The following FBLN1 variants were observed in gnomAD, a reference collection of about 807,000 sequenced individuals.
FBLN1 encodes the protein fibulin-1.
A neutral mutation model predicts 89.7 loss-of-function variants in FBLN1; 34 were observed. That is an observed-to-expected ratio of 0.38 (90% confidence interval 0.29 to 0.50). The LOEUF (loss-of-function observed/expected upper bound fraction) is 0.50. Among genes scored for constraint, FBLN1 ranks in the 20% least tolerant of loss-of-function variants. FBLN1 has a pLI of 0.92. For missense variants in FBLN1, 777 were observed against 988.1 expected, an observed-to-expected ratio of 0.79 and a Z score of 2.86; for synonymous variants, 393 against 391.3, an observed-to-expected ratio of 1.00 and a Z score of -0.05.
intron 14 of FBLN1, among the ~76,000 whole-genome samples, chr22:45,573,512 A>G (rs2147025308): frequency 6.7e-6 from 1 of 149,444 alleles, no homozygotes; most frequent in South Asian, 2.1e-4. Context: ...TGTCTCTACT[A>G]AAAAAAAATA....
rs894742101 is a variant in FBLN1, at chr22:45,583,712, C to T, written c.1972+6604C>T. On this transcript the variant is annotated intron_variant, in intron 16 of 16. Transcript: ENST00000327858. This position sits in a 1 kb window ranked among gnomAD's most constrained non-coding sequence, Gnocchi z 4.5. ...TCAACACAGGAAGTAACAGAAGCAG[C>T]TAGTTACTCACAGGTCCTAGAGAGG... Among the ~76,000 whole-genome samples, 6 of 152,132 alleles carry T rather than the reference C, an allele frequency of 3.9e-5. No individual in the cohort carries two copies. The highest frequency in any genetic ancestry group is 9.7e-5 in the African/African-American group (4 of 41,418).
At chr22:45,518,348 G>A (rs1351753309) in intron 1 of FBLN1, among the ~76,000 whole-genome samples, 1 of 152,040 alleles carries the variant, frequency 6.6e-6, no homozygotes, top group Non-Finnish European at 1.5e-5. Context: ...CAGGGACCCT[G>A]TCTGGACAGG....
intron 14 of FBLN1, among the ~76,000 whole-genome samples, chr22:45,555,604 C>G (rs1401601681): frequency 3.9e-5 from 6 of 152,124 alleles, no homozygotes; most frequent in Admixed American, 1.3e-4. Context: ...TCCCAGCCCA[C>G]TGACTCAAAT....
chr22:45,529,989 C>G (rs1034799358), intron 4 of FBLN1, among the ~76,000 whole-genome samples: 7 of 152,150 alleles, frequency 4.6e-5, no homozygotes, highest in African/African-American at 1.7e-4. Flanking sequence ...GACACGGAAC[C>G]TTTCACTTCT....
At chr22:45,522,753 G>A (rs896854915) in intron 2 of FBLN1, among the ~76,000 whole-genome samples, 2 of 152,216 alleles carry the variant, frequency 1.3e-5, no homozygotes, top group African/African-American at 2.4e-5. Context: ...AAACCCACAT[G>A]TCCTTCAGCG....
intron 16 of FBLN1, among the ~76,000 whole-genome samples, chr22:45,585,623 C>A (rs2089078454): frequency 6.6e-6 from 1 of 152,210 alleles, no homozygotes; most frequent in African/African-American, 2.4e-5. Flanking sequence ...CACACCCTGG[C>A]TGGCAGCCAA....
At position 45,546,796 on chromosome 22, in the gene FBLN1, G is replaced by A. The variant is rs115878228; in HGVS notation, c.1322-289G>A. Among the ~76,000 whole-genome samples the A allele has an allele frequency of 5.5e-3, 845 of 152,336 alleles. 2 individuals are homozygous for A. The highest frequency in any genetic ancestry group is 0.019 in the African/African-American group (793 of 41,574). ...AGATTTCCATTTGAGAACTAGAATG[G>A]ACTCTGGCAGCCAGGTCGGGGCAGA... On this transcript the variant is annotated intron_variant, in intron 11 of 16. Coordinates refer to ENST00000327858, the MANE Select transcript of FBLN1 (RefSeq NM_006486.3).
intron 14 of FBLN1, chr22:45,565,774 C>T (rs2088896706): frequency 6.3e-6 from 1 of 157,766 alleles, no homozygotes; most frequent in Non-Finnish European, 1.4e-5. Context: ...CAAATATCGT[C>T]TCCTCAGCCA....
Position 45,545,219 on chromosome 22 carries a change from C to T in FBLN1, c.1321+1693C>T, listed in dbSNP as rs2088611339. ...AACAAGATTCACGAGTTGAGTCTCT[C>T]AGGCTTGTGTTCAAACCTGACTTCT... On this transcript the variant is annotated intron_variant, in intron 11 of 16. Transcript: ENST00000327858. The surrounding 1 kb of genome is among the most constrained non-coding windows in gnomAD (Gnocchi z 5.9). 6.6e-6 allele frequency among the ~76,000 whole-genome samples: 1 copy of T among 152,198 alleles called. No homozygotes were observed. Among genetic ancestry groups the T allele is most frequent in the African/African-American group, 2.4e-5 (1 of 41,436 alleles).
Position 45,550,642 on chromosome 22 carries a change from CGTCT to C in FBLN1, c.1697+34_1697+37del, listed in dbSNP as rs1288757569. On this transcript the variant is annotated intron_variant, in intron 14 of 16. Coordinates refer to ENST00000327858, the MANE Select transcript of FBLN1 (RefSeq NM_006486.3). The surrounding 1 kb of genome is among the most constrained non-coding windows in gnomAD (Gnocchi z 8.4). ...TAAGTCCCTTGGACCATGCCATCGT[CGTCT>C]GTCTGTGTTGGCCTTCCTGGTGACC... is the stretch of plus-strand genomic sequence containing the variant. 4 of 1,613,932 alleles carry C rather than the reference CGTCT, an allele frequency of 2.5e-6. No individual in the cohort carries two copies. Among genetic ancestry groups the C allele is most frequent in the South Asian group, 1.1e-5 (1 of 91,076 alleles).
intron 1 of FBLN1, among the ~76,000 whole-genome samples, chr22:45,506,759 CTG>C (rs1184032441): frequency 2.0e-5 from 3 of 152,176 alleles, no homozygotes; most frequent in African/African-American, 4.8e-5. Flanking sequence ...CTGGGGGAGA[CTG>C]TGCTGTCTAG....
chr22:45,554,955 T>C (rs1055459583), intron 14 of FBLN1, among the ~76,000 whole-genome samples: 1 of 151,878 alleles, frequency 6.6e-6, no homozygotes, highest in African/African-American at 2.4e-5. Context: ...TTGGAATCTG[T>C]GCTCATCCTA....
At chr22:45,589,790 A>G (rs2089120452) in intron 16 of FBLN1, among the ~76,000 whole-genome samples, 1 of 151,924 alleles carries the variant, frequency 6.6e-6, no homozygotes, top group African/African-American at 2.4e-5. Flanking sequence ...AACTGAGAGC[A>G]CCAAGCTGCC....
intron 10 of FBLN1, 75 bp from the exon 11 acceptor site, chr22:45,543,326 G>T: frequency 1.3e-6 from 2 of 1,576,096 alleles, no homozygotes; most frequent in Non-Finnish European, 1.7e-6. Flanking sequence ...GACATGAGCT[G>T]GCCTTACTAG....
At chr22:45,592,627 C>T (rs774947851) in intron 16 of FBLN1, among the ~76,000 whole-genome samples, 12 of 152,214 alleles carry the variant, frequency 7.9e-5, no homozygotes, top group Non-Finnish European at 1.6e-4. Context: ...CACGCCCGGC[C>T]GCACATATTC....
Position 45,502,971 on chromosome 22 carries a change from C to A in FBLN1, c.-15C>A. ...CCTTTGTCCGCCGCCGCCCACCGCC[C>A]GTCGCCCGCCGCCCATGGAGCGCGC... On this transcript the variant is annotated 5_prime_UTR_variant, in exon 1 of 17. Transcript: ENST00000327858. The A allele has an allele frequency of 8.7e-7, 1 of 1,151,458 alleles. No homozygotes were observed. 71.3% of individuals were successfully genotyped at this position (1,151,458 alleles called of 1,614,324 possible). A position where few individuals can be genotyped will look rare whatever the true frequency, so the allele number is the denominator to read the frequency against.
Position 45,537,214 on chromosome 22 carries a change from G to A in FBLN1, c.922+1877G>A, listed in dbSNP as rs995177209. 2.6e-5 allele frequency among the ~76,000 whole-genome samples: 4 copies of A among 152,192 alleles called. No individual in the cohort carries two copies. The highest frequency in any genetic ancestry group is 4.4e-5 in the Non-Finnish European group (3 of 68,038). ...GGGGTATACATTTCCATCTTGCTTC[G>A]ATTTCAACTTTTCCTTAGCGAAATC... On this transcript the variant is annotated intron_variant, in intron 8 of 16. Coordinates refer to ENST00000327858, the MANE Select transcript of FBLN1 (RefSeq NM_006486.3). The surrounding 1 kb of genome is among the most constrained non-coding windows in gnomAD (Gnocchi z 5.7).
chr22:45,556,866 A>G lies in FBLN1; in HGVS notation c.1697+6251A>G, dbSNP rs1418351048. Among the ~76,000 whole-genome samples the G allele has an allele frequency of 2.6e-5, 4 of 152,028 alleles. No homozygotes were observed. The highest frequency in any genetic ancestry group is 4.4e-5 in the Non-Finnish European group (3 of 67,998). Reference sequence around the variant, plus strand: ...AATGTTGCAGGAACAGGAAGCAAAAATTTTGCTAGTGGATCACTAGGGGTG... The same window carrying G: ...AATGTTGCAGGAACAGGAAGCAAAAGTTTTGCTAGTGGATCACTAGGGGTG... On this transcript the variant is annotated intron_variant, in intron 14 of 16. Transcript: ENST00000327858. The surrounding 1 kb of genome is among the most constrained non-coding windows in gnomAD (Gnocchi z 4.6).
intron 1 of FBLN1, among the ~76,000 whole-genome samples, chr22:45,515,180 C>G (rs2088153118): frequency 8.5e-5 from 13 of 152,204 alleles, no homozygotes; most frequent in Admixed American, 8.5e-4. Context: ...GTGAGTGTTA[C>G]AGTGAGGATG....
Sources: allele counts gnomAD v4.1 joint callset (sites outside exome capture counted in the v4.1 genomes callset), GRCh38; gene constraint gnomAD v4.1.1; non-coding constraint Gnocchi (gnomAD v3.1); transcripts MANE v1.5; gene names NCBI Gene and HGNC (gene_info 2026-07-23, HGNC 2026-07-21).